Variants in PTPRT observed in about 807,000 individuals in gnomAD.
The protein encoded by PTPRT is receptor-type tyrosine-protein phosphatase T.
In PTPRT, 56 loss-of-function variants were observed where a neutral mutation model predicts 176.8. That is an observed-to-expected ratio of 0.32 (90% CI 0.26 to 0.40). PTPRT has a LOEUF of 0.40. PTPRT is among the 10% of genes least tolerant of loss of function. The probability of loss-of-function intolerance (pLI) is 1.00; values close to 1 mark genes in which losing one functional copy is unlikely to be tolerated. For missense variants in PTPRT, 1,540 were observed against 1,908.2 expected (o/e 0.81, Z 3.60); for synonymous variants, 783 against 739.0 (o/e 1.06, Z -0.96).
intron 12 of PTPRT, among the ~76,000 whole-genome samples, chr20:42,300,404 T>C (rs932404132): frequency 2.0e-5 from 3 of 152,032 alleles, no homozygotes; most frequent in Non-Finnish European, 2.9e-5. Flanking sequence ...ATAAGTACCA[T>C]TCCCCATTTA....
intron 1 of PTPRT, among the ~76,000 whole-genome samples, chr20:43,044,863 G>T (rs950888667): frequency 2.0e-5 from 3 of 152,214 alleles, no homozygotes; most frequent in African/African-American, 7.2e-5. Context: ...GTGTGCAGCT[G>T]CAGTGTAAAG....
chr20:42,388,817 C>T (rs545876875), intron 9 of PTPRT, among the ~76,000 whole-genome samples: 16 of 152,294 alleles, frequency 1.1e-4, no homozygotes, highest in African/African-American at 3.9e-4. Flanking sequence ...TATAAAGACG[C>T]ATGCACACAT....
chr20:42,488,874 G>T (rs1250992011), intron 7 of PTPRT, among the ~76,000 whole-genome samples: 1 of 151,412 alleles, frequency 6.6e-6, no homozygotes, highest in Admixed American at 6.6e-5. Flanking sequence ...TGAGGTAGGA[G>T]AATTGCTTGA....
At chr20:42,042,392 A>C in the PTPRT span, among the ~76,000 whole-genome samples, 1 of 152,226 alleles carries the variant, frequency 6.6e-6, no homozygotes, top group Non-Finnish European at 1.5e-5. Flanking sequence ...TGCTTTTGCC[A>C]GTCACCTGTC....
At position 42,141,947 on chromosome 20, in the gene PTPRT, C is replaced by A; in HGVS notation, c.2738G>T (p.Arg913Leu). Residue 913 changes from arginine to leucine, a missense_variant, in exon 18 of 31, where the codon CGC (arginine) becomes CTC (leucine). Transcript: ENST00000373187. ...SWDTAKEDEN[R>L]NKNRYGNIIS... ...GATGTTCCCATATCGATTCTTATTG[C>A]GGTTTTCATCCTCCTTGGCTGTGTC... is the stretch of plus-strand genomic sequence containing the variant. The A allele has an allele frequency of 6.2e-7, 1 of 1,614,122 alleles. No individual in the cohort carries two copies. The highest frequency in any genetic ancestry group is 8.5e-7 in the Non-Finnish European group (1 of 1,179,970).
chr20:42,358,768 G>T (rs1035494938), intron 9 of PTPRT, among the ~76,000 whole-genome samples: 1 of 152,166 alleles, frequency 6.6e-6, no homozygotes, highest in Non-Finnish European at 1.5e-5. Context: ...AGAAGAAGAA[G>T]ATACGCTTTT....
chr20:42,595,047 G>T (rs537515287), intron 7 of PTPRT, among the ~76,000 whole-genome samples: 3 of 152,118 alleles, frequency 2.0e-5, no homozygotes, highest in East Asian at 1.9e-4. Flanking sequence ...AACTCTGGGG[G>T]TGAACCTAGG....
intron 6 of PTPRT, among the ~76,000 whole-genome samples, chr20:42,718,641 T>A (rs763668716): frequency 8.5e-5 from 13 of 152,192 alleles, no homozygotes; most frequent in Admixed American, 6.5e-5. Flanking sequence ...TAATTTATGC[T>A]CTTATTTATA....
At chr20:42,538,266 C>T (rs530374547) in intron 7 of PTPRT, among the ~76,000 whole-genome samples, 2 of 152,274 alleles carry the variant, frequency 1.3e-5, no homozygotes, top group Admixed American at 1.3e-4. Flanking sequence ...AGGTTCCAAG[C>T]TGCTCAGCAG....
At chr20:43,169,480 T>C (rs1016539822) in intron 1 of PTPRT, among the ~76,000 whole-genome samples, 4 of 152,226 alleles carry the variant, frequency 2.6e-5, no homozygotes, top group African/African-American at 7.2e-5. Context: ...GCTTTTTACA[T>C]TTATACCTCC....
intron 1 of PTPRT, among the ~76,000 whole-genome samples, chr20:43,164,967 T>C (rs2014815208): frequency 6.6e-6 from 1 of 152,128 alleles, no homozygotes; most frequent in Non-Finnish European, 1.5e-5. Context: ...AGTAAGCTGA[T>C]ATGGTTTGGC....
At chr20:42,764,752 C>G (rs1310113879) in intron 5 of PTPRT, among the ~76,000 whole-genome samples, 1 of 152,192 alleles carries the variant, frequency 6.6e-6, no homozygotes, top group Non-Finnish European at 1.5e-5. Context: ...TTAAATACAT[C>G]CTATGTGTAA....
chr20:43,024,426 T>C (rs931756194), intron 1 of PTPRT, among the ~76,000 whole-genome samples: 12 of 151,834 alleles, frequency 7.9e-5, no homozygotes, highest in Non-Finnish European at 1.5e-4. Flanking sequence ...CTGTCTCTAC[T>C]AAAAATACAA....
intron 16 of PTPRT, among the ~76,000 whole-genome samples, chr20:42,187,987 T>C (rs1011011054): frequency 4.6e-5 from 7 of 152,206 alleles, no homozygotes; most frequent in African/African-American, 7.2e-5. Context: ...TCCAATCACA[T>C]TGTATACAAA....
At chr20:42,192,784 A>G (rs940167999) in intron 16 of PTPRT, among the ~76,000 whole-genome samples, 2 of 152,158 alleles carry the variant, frequency 1.3e-5, no homozygotes, top group African/African-American at 4.8e-5. Context: ...CTCTCTCTCT[A>G]TAACTACCCA....
downstream of PTPRT, among the ~76,000 whole-genome samples, chr20:42,071,992 G>A (rs1408177353): frequency 6.6e-6 from 1 of 152,150 alleles, no homozygotes; most frequent in Non-Finnish European, 1.5e-5. Flanking sequence ...GAGAGGAGGG[G>A]TCTATGTCAA....
At position 43,153,460 on chromosome 20, in the gene PTPRT, A is replaced by T. The variant is rs144506895; in HGVS notation, c.88+36186T>A. ...TTATGTTTACCCTTTTATTCCAAATAAAAAAGTACTAAAATGGTATGTAAG... is the reference window on the plus strand; with the variant it reads ...TTATGTTTACCCTTTTATTCCAAATTAAAAAGTACTAAAATGGTATGTAAG... On this transcript the variant is annotated intron_variant, in intron 1 of 30. Coordinates refer to ENST00000373187, the MANE Select transcript of PTPRT (RefSeq NM_007050.6). 3.3e-3 allele frequency among the ~76,000 whole-genome samples: 500 copies of T among 152,350 alleles called. 6 individuals are homozygous for T. Among genetic ancestry groups the T allele is most frequent in the African/African-American group, 0.011 (478 of 41,570 alleles).
At chr20:42,795,119 T>C (rs1223308341) in intron 2 of PTPRT, among the ~76,000 whole-genome samples, 1 of 152,048 alleles carries the variant, frequency 6.6e-6, no homozygotes, top group Non-Finnish European at 1.5e-5. Context: ...AGCCGGTCAT[T>C]ACGCCAAGAT....
intron 1 of PTPRT, among the ~76,000 whole-genome samples, chr20:42,889,887 T>TA (rs1454584996): frequency 6.6e-6 from 1 of 152,200 alleles, no homozygotes; most frequent in Non-Finnish European, 1.5e-5. Flanking sequence ...AAAAGGGGGT[T>TA]ACATATATAG....
Sources: gnomAD v4.1 joint callset for allele counts (sites outside exome capture counted in the v4.1 genomes callset) on GRCh38, gnomAD v4.1.1 for gene constraint, MANE v1.5 for transcripts, NCBI Gene and HGNC (gene_info 2026-07-23, HGNC 2026-07-21) for gene names.